The following FHIT variants were observed in gnomAD, a reference collection of about 807,000 sequenced individuals.
FHIT encodes the protein bis(5'-adenosyl)-triphosphatase.
Under a neutral mutation model 17.9 loss-of-function variants are expected in FHIT, and 19 were observed. The ratio of observed to expected loss-of-function variants is 1.06; its 90% CI spans 0.74 to 1.56. FHIT has a LOEUF of 1.56. Among genes scored for constraint, FHIT ranks in the 40% most tolerant of loss-of-function variants. The pLI is 0.00. For missense variants in FHIT, 248 were observed against 189.2 expected, an observed-to-expected ratio of 1.31 and a Z score of -1.82; for synonymous variants, 81 against 69.7, an observed-to-expected ratio of 1.16 and a Z score of -0.81.
chr3:60,205,297 T>A (rs1445120625), intron 5 of FHIT, among the ~76,000 whole-genome samples: 1 of 152,192 alleles, frequency 6.6e-6, no homozygotes, highest in African/African-American at 2.4e-5. Flanking sequence ...ATTCCATTTT[T>A]GTAAAACAAT....
intron 2 of FHIT, among the ~76,000 whole-genome samples, chr3:61,054,647 A>G (rs1050369897): frequency 6.6e-6 from 1 of 152,168 alleles, no homozygotes; most frequent in Non-Finnish European, 1.5e-5. Flanking sequence ...AAACCCTGCA[A>G]TTTAGCCATT....
intron 8 of FHIT, among the ~76,000 whole-genome samples, chr3:59,869,235 A>C (rs1384042346): frequency 6.6e-6 from 1 of 152,172 alleles, no homozygotes; most frequent in Non-Finnish European, 1.5e-5. Context: ...GTTTTTCTCA[A>C]CCAACAAGCT....
chr3:60,038,886 C>G (rs1365079555), intron 5 of FHIT, among the ~76,000 whole-genome samples: 1 of 152,166 alleles, frequency 6.6e-6, no homozygotes, highest in Non-Finnish European at 1.5e-5. Context: ...TTGTCTAATG[C>G]TGTGTAACAA....
intron 5 of FHIT, among the ~76,000 whole-genome samples, chr3:60,430,160 C>G (rs1702828402): frequency 6.6e-6 from 1 of 152,048 alleles, no homozygotes; most frequent in Non-Finnish European, 1.5e-5. Flanking sequence ...AAGATGCCCT[C>G]AGCTGCTCTG....
At chr3:60,045,369 T>A (rs573739091) in intron 5 of FHIT, among the ~76,000 whole-genome samples, 2 of 152,126 alleles carry the variant, frequency 1.3e-5, no homozygotes, top group Non-Finnish European at 2.9e-5. Context: ...AGCAAGTCAC[T>A]TCTTACATGG....
chr3:60,017,131 T>C (rs1214846455), intron 5 of FHIT, among the ~76,000 whole-genome samples: 1 of 152,200 alleles, frequency 6.6e-6, no homozygotes, highest in African/African-American at 2.4e-5. Context: ...CCTAGCCTCT[T>C]ATTAAAACTG....
At chr3:59,849,335 T>A (rs906602239) in intron 8 of FHIT, among the ~76,000 whole-genome samples, 1 of 152,072 alleles carries the variant, frequency 6.6e-6, no homozygotes, top group African/African-American at 2.4e-5. Flanking sequence ...ATCATGCTAC[T>A]GCGCTCCAGC....
intron 5 of FHIT, among the ~76,000 whole-genome samples, chr3:60,198,638 C>G (rs2107487248): frequency 6.6e-6 from 1 of 152,236 alleles, no homozygotes; most frequent in East Asian, 1.9e-4. Flanking sequence ...TTGGTATGCT[C>G]AAGTCCCACG....
intron 3 of FHIT, among the ~76,000 whole-genome samples, chr3:60,945,089 G>A (rs1440858723): frequency 6.6e-6 from 1 of 152,152 alleles, no homozygotes; most frequent in Non-Finnish European, 1.5e-5. Context: ...GATGAGGGAG[G>A]AGGAAAGCTA....
chr3:60,224,656 T>C (rs927464836), intron 5 of FHIT, among the ~76,000 whole-genome samples: 7 of 152,106 alleles, frequency 4.6e-5, no homozygotes, highest in Non-Finnish European at 1.0e-4. Flanking sequence ...ATAATCTCCA[T>C]GAGGGCAGGG....
intron 5 of FHIT, among the ~76,000 whole-genome samples, chr3:60,241,662 G>A (rs985359743): frequency 1.3e-5 from 2 of 152,072 alleles, no homozygotes; most frequent in Admixed American, 1.3e-4. Flanking sequence ...ATTGCCTGGA[G>A]AGAGTTAAAT....
At chr3:60,348,029 G>T (rs916473134) in intron 5 of FHIT, among the ~76,000 whole-genome samples, 4 of 152,072 alleles carry the variant, frequency 2.6e-5, no homozygotes, top group African/African-American at 9.7e-5. Flanking sequence ...AAAGTTCTGG[G>T]ATTACAGGTG....
intron 2 of FHIT, among the ~76,000 whole-genome samples, chr3:61,058,016 G>C (rs1236541285): frequency 6.6e-6 from 1 of 151,946 alleles, no homozygotes; most frequent in Non-Finnish European, 1.5e-5. Flanking sequence ...CTCTAACAGA[G>C]ATTAGCTCTG....
chr3:61,214,272 A>G (rs1168260072), intron 1 of FHIT, among the ~76,000 whole-genome samples: 1 of 152,250 alleles, frequency 6.6e-6, no homozygotes, highest in Non-Finnish European at 1.5e-5. Flanking sequence ...AGACTAATAA[A>G]GAAGAAAAGA....
chr3:61,024,612 C>A (rs2032634829), intron 3 of FHIT, among the ~76,000 whole-genome samples: 1 of 152,102 alleles, frequency 6.6e-6, no homozygotes, highest in South Asian at 2.1e-4. Flanking sequence ...TGTCAAGAAG[C>A]TGGTTATGAC....
chr3:60,567,636 C>T (rs1380152040), intron 4 of FHIT, among the ~76,000 whole-genome samples: 1 of 152,124 alleles, frequency 6.6e-6, no homozygotes, highest in Non-Finnish European at 1.5e-5. Flanking sequence ...AGCTTCTGCA[C>T]AGCAAAAGAA....
intron 8 of FHIT, among the ~76,000 whole-genome samples, chr3:59,845,050 TG>T (rs1475822532): frequency 1.3e-5 from 2 of 152,146 alleles, no homozygotes; most frequent in Non-Finnish European, 2.9e-5. Flanking sequence ...CCATTTCACC[TG>T]AACTATCCAA....
intron 5 of FHIT, among the ~76,000 whole-genome samples, chr3:60,185,631 T>G (rs897044591): frequency 1.3e-5 from 2 of 152,206 alleles, no homozygotes; most frequent in Non-Finnish European, 2.9e-5. Context: ...GTTGGGTAAA[T>G]ACCTAGGTAT....
chr3:60,512,203 G>C (rs2034977052), intron 5 of FHIT, among the ~76,000 whole-genome samples: 1 of 152,156 alleles, frequency 6.6e-6, no homozygotes. Flanking sequence ...CCTAGGAAAA[G>C]ATTGACTGAT....
Sources: gnomAD v4.1 joint callset for allele counts (sites outside exome capture counted in the v4.1 genomes callset) on GRCh38, gnomAD v4.1.1 for gene constraint, MANE v1.5 for transcripts, NCBI Gene and HGNC (gene_info 2026-07-23, HGNC 2026-07-21) for gene names.